Variants in TDP1 observed in about 807,000 individuals in gnomAD.
TDP1 encodes tyr-DNA phosphodiesterase 1.
In TDP1, 64 loss-of-function variants were observed where a neutral mutation model predicts 81.5. The observed-to-expected ratio is 0.79, with a 90% CI of 0.64 to 0.97. TDP1 has a LOEUF of 0.97. TDP1 is among the 50% of genes least tolerant of loss of function. TDP1 has a pLI of 0.00. For synonymous variants in TDP1, 256 were observed against 264.3 expected (o/e 0.97, Z 0.30); for missense variants, 723 against 743.8 (o/e 0.97, Z 0.33).
At chr14:89,971,036 A>T in intron 5 of TDP1, 139 bp from the exon 6 acceptor site, 1 of 695,560 alleles carries the variant, frequency 1.4e-6, no homozygotes, top group South Asian at 1.5e-5. Context: ...GGGTTTCACC[A>T]TGTTGGCCAG....
intron 8 of TDP1, chr14:89,981,315 C>G: frequency 2.9e-6 from 1 of 341,160 alleles, no homozygotes; most frequent in Non-Finnish European, 5.7e-6. Flanking sequence ...ACTACTAACC[C>G]TCTGTACTTG....
intron 2 of TDP1, chr14:89,962,836 C>G (rs911451867): frequency 4.8e-6 from 4 of 830,858 alleles, no homozygotes; most frequent in Non-Finnish European, 5.8e-6. Context: ...TGAACCACTG[C>G]ACCACTCCAG....
At chr14:89,963,941 T>C (rs1892634332) in intron 3 of TDP1, among the ~76,000 whole-genome samples, 1 of 152,196 alleles carries the variant, frequency 6.6e-6, no homozygotes, top group African/African-American at 2.4e-5. Flanking sequence ...CTTTTTAAGA[T>C]GAAGCTTGAT....
chr14:90,000,224 G>A (rs1023199864), intron 14 of TDP1, among the ~76,000 whole-genome samples: 2 of 152,180 alleles, frequency 1.3e-5, no homozygotes, highest in Non-Finnish European at 1.5e-5. Context: ...ATCTCAGGAA[G>A]GACCCAACTC....
intron 12 of TDP1, 36 bp downstream of exon 12, chr14:89,989,801 T>C (rs753248169): frequency 1.3e-6 from 2 of 1,525,954 alleles, no homozygotes; most frequent in South Asian, 1.1e-5. Context: ...TTGTGTTTTA[T>C]GTATATTTCA....
At chr14:90,034,193 G>T (rs1441247883) in intron 16 of TDP1, among the ~76,000 whole-genome samples, 2 of 152,200 alleles carry the variant, frequency 1.3e-5, no homozygotes, top group Non-Finnish European at 2.9e-5. Context: ...TCTCATTGCT[G>T]TGTTCTCATT....
rs1458260287 is a variant in TDP1 at position 89,980,661 on chromosome 14, A to AGT, written c.884+38_884+39dup. ...CGTAGGGGCCTGCTCACTTCCTGGC[A>AGT]GTGTGTGTGTTGATAAAGGTCAAAA... is the stretch of plus-strand genomic sequence containing the variant. On this transcript the variant is annotated intron_variant, in intron 8 of 16. Transcript: ENST00000335725. 3 of 1,557,112 alleles carry AGT rather than the reference A, an allele frequency of 1.9e-6. No homozygotes were observed. The South Asian group carries it at 3.3e-5, about 17-fold the overall frequency.
chr14:89,972,699 A>G (rs1893809130), intron 6 of TDP1, among the ~76,000 whole-genome samples: 1 of 152,226 alleles, frequency 6.6e-6, no homozygotes, highest in South Asian at 2.1e-4. Context: ...AATTTCTCAC[A>G]TTTATGATAA....
At chr14:89,989,445 C>G (rs905461696) in intron 11 of TDP1, 1 of 980,688 alleles carries the variant, frequency 1.0e-6, no homozygotes, top group African/African-American at 1.8e-5. Context: ...ATTTAGAGAA[C>G]TGTGAATTAA....
At chr14:90,003,833 TTCTC>T (rs1897392366) in intron 14 of TDP1, among the ~76,000 whole-genome samples, 1 of 152,130 alleles carries the variant, frequency 6.6e-6, no homozygotes, top group African/African-American at 2.4e-5. Context: ...ATAAAAGACA[TTCTC>T]TCTCCTCTGC....
chr14:89,979,700 G>A (rs981865734), intron 7 of TDP1, among the ~76,000 whole-genome samples: 4 of 152,208 alleles, frequency 2.6e-5, no homozygotes, highest in Non-Finnish European at 5.9e-5. Flanking sequence ...CGGGGACATT[G>A]AATGGCTTAC....
At chr14:89,987,408 T>C (rs1895688688) in intron 10 of TDP1, among the ~76,000 whole-genome samples, 1 of 152,214 alleles carries the variant, frequency 6.6e-6, no homozygotes, top group Non-Finnish European at 1.5e-5. Flanking sequence ...AAAAAAGTTA[T>C]TTTTTATTCC....
intron 6 of TDP1, among the ~76,000 whole-genome samples, chr14:89,973,983 G>C (rs187234726): frequency 2.0e-5 from 3 of 152,190 alleles, no homozygotes; most frequent in Admixed American, 2.0e-4. Context: ...AGTCCTGTTG[G>C]ATCAGGATCC....
At chr14:90,042,478 T>C (rs1430243144) in intron 16 of TDP1, among the ~76,000 whole-genome samples, 1 of 151,912 alleles carries the variant, frequency 6.6e-6, no homozygotes, top group African/African-American at 2.4e-5. Flanking sequence ...GATTTGCCCC[T>C]GTGTCTCTGC....
chr14:90,016,126 C>A (rs1161825845), intron 14 of TDP1, among the ~76,000 whole-genome samples: 1 of 151,316 alleles, frequency 6.6e-6, no homozygotes, highest in Non-Finnish European at 1.5e-5. Context: ...CCCACAGCAA[C>A]CTCCTCCTCC....
chr14:90,004,137 T>C (rs1897428733), intron 14 of TDP1, among the ~76,000 whole-genome samples: 1 of 152,144 alleles, frequency 6.6e-6, no homozygotes, highest in Non-Finnish European at 1.5e-5. Context: ...AAGGTCATAT[T>C]ACTACCCTCA....
chr14:89,986,309 C>T lies in TDP1; in HGVS notation c.1131+1099C>T, dbSNP rs34006895. On this transcript the variant is annotated intron_variant, in intron 10 of 16. Transcript: ENST00000335725. Reference sequence around the variant, plus strand: ...TTGTTATCTACAAGCCGTGTGACCTCGACTTGTTCCTTAACATACATCGGT... The same window carrying T: ...TTGTTATCTACAAGCCGTGTGACCTTGACTTGTTCCTTAACATACATCGGT... Among the ~76,000 whole-genome samples the T allele has an allele frequency of 5.9e-3, 905 of 152,282 alleles. 4 individuals carry two copies. The highest frequency in any genetic ancestry group is 0.021 in the African/African-American group (867 of 41,546).
rs754840626 is a variant in TDP1 at position 89,985,207 on chromosome 14, G to A, written c.1128G>A (p.Lys376=). ...QKDNWGHFRL[K]KLLKDHASSM... is the part of the protein sequence containing the mutation. Reference sequence around the variant, plus strand: ...ATAATTGGGGACATTTTAGACTTAAGAAGGTAACAGAACTTTTACTATTTT... The same window carrying A: ...ATAATTGGGGACATTTTAGACTTAAAAAGGTAACAGAACTTTTACTATTTT... The change falls in exon 10 of 17, where the codon AAG becomes AAA. Residue 376 remains lysine, a synonymous_variant. Coordinates refer to ENST00000335725, the MANE Select transcript of TDP1 (RefSeq NM_018319.4). 2 of 1,592,846 alleles carry A rather than the reference G, an allele frequency of 1.3e-6. No individual in the cohort carries two copies. Among genetic ancestry groups the A allele is most frequent in the South Asian group, 2.2e-5 (2 of 89,474 alleles).
intron 2 of TDP1, among the ~76,000 whole-genome samples, chr14:89,961,573 TACG>T (rs1469370981): frequency 6.6e-6 from 1 of 152,186 alleles, no homozygotes; most frequent in Non-Finnish European, 1.5e-5. Context: ...CTGCCAGTCT[TACG>T]ATCTCTGGTC....
Sources: allele counts gnomAD v4.1 joint callset (sites outside exome capture counted in the v4.1 genomes callset), GRCh38; gene constraint gnomAD v4.1.1; transcripts MANE v1.5; gene names NCBI Gene and HGNC (gene_info 2026-07-23, HGNC 2026-07-21).